Variants in ANO10 observed in about 807,000 individuals in gnomAD.
The protein encoded by ANO10 is anoctamin 10, also known as anoctamin-10.
A neutral mutation model predicts 74.7 loss-of-function variants in ANO10; 77 were observed. The ratio of observed to expected loss-of-function variants is 1.03; its 90% confidence interval spans 0.86 to 1.25. The LOEUF (loss-of-function observed/expected upper bound fraction) is 1.25. Among genes scored for constraint, ANO10 ranks in the 50% most tolerant of loss-of-function variants. ANO10 has a pLI of 0.00. For synonymous variants in ANO10, 279 were observed against 284.9 expected, an observed-to-expected ratio of 0.98 and a Z score of 0.21; for missense variants, 721 against 778.1, an observed-to-expected ratio of 0.93 and a Z score of 0.87.
At chr3:43,459,920 T>A (rs577583491) in intron 11 of ANO10, among the ~76,000 whole-genome samples, 1 of 152,302 alleles carries the variant, frequency 6.6e-6, no homozygotes, top group East Asian at 1.9e-4. Context: ...AATGGCAGCA[T>A]GGGATTAGGA....
At chr3:43,529,708 TA>T (rs2078372060) in intron 11 of ANO10, among the ~76,000 whole-genome samples, 1 of 152,072 alleles carries the variant, frequency 6.6e-6, no homozygotes, top group Non-Finnish European at 1.5e-5. Flanking sequence ...GTCAAGTAGA[TA>T]ATACATAATA....
intron 1 of ANO10, among the ~76,000 whole-genome samples, chr3:43,648,998 A>AC (rs1237750790): frequency 6.6e-6 from 1 of 152,026 alleles, no homozygotes; most frequent in Non-Finnish European, 1.5e-5. Context: ...CTTTACTGCA[A>AC]CCTGTTTTAT....
intron 11 of ANO10, among the ~76,000 whole-genome samples, chr3:43,517,379 TATGG>T (rs2077754112): frequency 6.6e-6 from 1 of 152,166 alleles, no homozygotes; most frequent in African/African-American, 2.4e-5. Context: ...CCTACTGTCC[TATGG>T]ACTGAATGCC....
intron 12 of ANO10, among the ~76,000 whole-genome samples, chr3:43,378,446 A>G (rs777790585): frequency 3.3e-5 from 5 of 152,250 alleles, no homozygotes; most frequent in Non-Finnish European, 7.3e-5. Flanking sequence ...CAGAGAAAGT[A>G]TAAATGTTTC....
In ANO10 at chr3:43,638,046, C is replaced by T. The variant is rs548646739; in HGVS notation, c.-11-32183G>A. Among the ~76,000 whole-genome samples, 25 of 152,178 alleles carry T rather than the reference C, an allele frequency of 1.6e-4. No homozygotes were observed. In the East Asian group the frequency reaches 3.5e-3, roughly 21 times the overall value. ...ACAAGCAGATTAAATTGAGATACGT[C>T]GTTTAATTGAACTATAAGTTAAAAA... On this transcript the variant is annotated intron_variant, in intron 1 of 3. Coordinates refer to the ANO10 transcript ENST00000413397.
At chr3:43,589,394 C>G (rs987205105) in intron 4 of ANO10, among the ~76,000 whole-genome samples, 1 of 152,078 alleles carries the variant, frequency 6.6e-6, no homozygotes, top group Non-Finnish European at 1.5e-5. Flanking sequence ...CCTTTATGAA[C>G]TGAAGCAATC....
At chr3:43,574,272 TTC>T (rs2080889391) in intron 7 of ANO10, among the ~76,000 whole-genome samples, 1 of 147,722 alleles carries the variant, frequency 6.8e-6, no homozygotes, top group Admixed American at 6.7e-5. Context: ...TTTCCTTTCT[TTC>T]TTTTTTTTTT....
intron 11 of ANO10, among the ~76,000 whole-genome samples, chr3:43,460,667 A>G (rs899274178): frequency 6.6e-6 from 1 of 152,238 alleles, no homozygotes; most frequent in African/African-American, 2.4e-5. Context: ...CAAACACTTG[A>G]GAAAAGTCTT....
chr3:43,569,510 TG>T (rs1360743755), intron 7 of ANO10, among the ~76,000 whole-genome samples: 91 of 33,464 alleles, frequency 2.7e-3, no homozygotes, highest in African/African-American at 0.013. Flanking sequence ...GCTTCATCCC[TG>T]GGATGCAAGG....
chr3:43,437,578 G>A (rs898807033), intron 11 of ANO10, among the ~76,000 whole-genome samples: 1 of 152,192 alleles, frequency 6.6e-6, no homozygotes, highest in Admixed American at 6.5e-5. Flanking sequence ...ATAATTAAGA[G>A]CTTGTCAGCT....
chr3:43,481,625 C>A (rs553758043), intron 11 of ANO10, among the ~76,000 whole-genome samples: 1 of 152,296 alleles, frequency 6.6e-6, no homozygotes, highest in East Asian at 1.9e-4. Flanking sequence ...GAAACATTTA[C>A]AATCTATTAT....
intron 11 of ANO10, among the ~76,000 whole-genome samples, chr3:43,526,373 G>A (rs1052166437): frequency 4.6e-5 from 7 of 152,184 alleles, no homozygotes; most frequent in African/African-American, 1.7e-4. Context: ...GGGCCTCTGT[G>A]GAGTCTTGTG....
chr3:43,404,224 T>TAA (rs1238361007), intron 12 of ANO10, among the ~76,000 whole-genome samples: 1 of 152,118 alleles, frequency 6.6e-6, no homozygotes, highest in Non-Finnish European at 1.5e-5. Flanking sequence ...TTTGTATAAG[T>TAA]AAGTGTCATG....
intron 9 of ANO10, among the ~76,000 whole-genome samples, chr3:43,558,927 T>C (rs1401062406): frequency 1.3e-5 from 2 of 152,186 alleles, no homozygotes; most frequent in African/African-American, 4.8e-5. Context: ...GGAGTGGCAC[T>C]GTAAACCCTA....
At chr3:43,613,041 G>A (rs577057300) in intron 1 of ANO10, among the ~76,000 whole-genome samples, 41 of 152,094 alleles carry the variant, frequency 2.7e-4, no homozygotes, top group South Asian at 8.3e-4. Flanking sequence ...GGTGGCACAC[G>A]CCTGTAATCC....
intron 10 of ANO10, chr3:43,551,343 C>T (rs527944279): frequency 4.2e-5 from 14 of 335,308 alleles, no homozygotes; most frequent in South Asian, 3.2e-4. Flanking sequence ...GCTTCCTGAA[C>T]TTGCAATATG....
At chr3:43,627,894 T>G (rs1330639872) in intron 1 of ANO10, among the ~76,000 whole-genome samples, 5 of 151,930 alleles carry the variant, frequency 3.3e-5, no homozygotes, top group Admixed American at 3.3e-4. Flanking sequence ...TTTTGTTTGT[T>G]TGTTTGTTTA....
At chr3:43,376,600 C>T (rs1439151631) in intron 12 of ANO10, among the ~76,000 whole-genome samples, 3 of 152,132 alleles carry the variant, frequency 2.0e-5, no homozygotes, top group Non-Finnish European at 4.4e-5. Flanking sequence ...GTGAGGAAGA[C>T]ATGGGAATGA....
At chr3:43,477,797 A>T (rs770695255) in intron 11 of ANO10, among the ~76,000 whole-genome samples, 1 of 152,182 alleles carries the variant, frequency 6.6e-6, no homozygotes, top group Admixed American at 6.5e-5. Flanking sequence ...TAATCTTAAC[A>T]TAGAAGGTGC....
Sources: allele counts gnomAD v4.1 joint callset (sites outside exome capture counted in the v4.1 genomes callset), GRCh38; gene constraint gnomAD v4.1.1; transcripts MANE v1.5; gene names NCBI Gene and HGNC (gene_info 2026-07-23, HGNC 2026-07-21).